Variants in SECISBP2L observed in about 807,000 individuals in gnomAD.
SECISBP2L encodes SECIS binding protein 2 like.
In SECISBP2L, 43 loss-of-function variants were observed where a neutral mutation model predicts 114.7. The ratio of observed to expected loss-of-function variants is 0.38; its 90% CI spans 0.29 to 0.48. The LOEUF (loss-of-function observed/expected upper bound fraction) is 0.48. Among genes scored for constraint, SECISBP2L ranks in the 20% least tolerant of loss-of-function variants. The pLI, the probability that SECISBP2L is intolerant of heterozygous loss-of-function variation, is 0.98. For missense variants in SECISBP2L, 1,136 were observed against 1,301.1 expected, an observed-to-expected ratio of 0.87 and a Z score of 1.95; for synonymous variants, 451 against 439.7, an observed-to-expected ratio of 1.03 and a Z score of -0.32.
chr15:49,034,596 G>T (rs545964977), intron 3 of SECISBP2L, among the ~76,000 whole-genome samples: 1 of 150,858 alleles, frequency 6.6e-6, no homozygotes, highest in Admixed American at 6.6e-5. Flanking sequence ...AAGTTGAAGC[G>T]ATCTAATGAA....
At position 48,999,911 on chromosome 15, in the gene SECISBP2L, T is replaced by A; in HGVS notation, c.2325A>T (p.Gly775=). The change falls in exon 16 of 18, where the codon GGA becomes GGT. Residue 775 remains glycine (G), a synonymous_variant. Transcript: ENST00000559471. ...TCACACAGCGTCCTAGAGCTTTCCT[T>A]CCAAGGGCAAACACAAAAGGAATTT... The part of the protein sequence containing the change: ...EQEIPFVFAL[G]RKALGRCVNK... 1 of 1,614,020 alleles carries A rather than the reference T, an allele frequency of 6.2e-7. No individual in the cohort carries two copies. Among genetic ancestry groups the A allele is most frequent in the Non-Finnish European group, 8.5e-7 (1 of 1,179,958 alleles).
At chr15:48,999,770 C>T (rs1238336746) in intron 16 of SECISBP2L, 63 bp downstream of exon 16, 1 of 1,561,846 alleles carries the variant, frequency 6.4e-7, no homozygotes, top group Non-Finnish European at 8.7e-7. Context: ...ATATGTCAAT[C>T]GAAAAATGTG....
At chr15:49,028,795 A>C in intron 4 of SECISBP2L, 113 bp from the exon 5 acceptor site, 1 of 858,404 alleles carries the variant, frequency 1.2e-6, no homozygotes, top group Non-Finnish European at 1.8e-6. Flanking sequence ...TAAATGAAGA[A>C]ATAGGTGACA....
rs959717861 is a variant in SECISBP2L, at chr15:49,046,415, G to C, written c.-116C>G. 2 of 1,165,338 alleles carry C rather than the reference G, an allele frequency of 1.7e-6. No homozygotes were observed. Among genetic ancestry groups the C allele is most frequent in the Admixed American group, 7.7e-5 (2 of 25,824 alleles). 72.2% of individuals were successfully genotyped at this position (1,165,338 alleles called of 1,614,324 possible). ...GGTTCCGGACCTCCGCCCCTATCTG[G>C]CTGGCCGCGACACCGATTCGGCTAC... On this transcript the variant is annotated 5_prime_UTR_variant, in exon 1 of 18. Transcript: ENST00000559471.
chr15:49,044,536 G>A (rs1903203858), intron 1 of SECISBP2L, among the ~76,000 whole-genome samples: 1 of 152,136 alleles, frequency 6.6e-6, no homozygotes, highest in African/African-American at 2.4e-5. Context: ...TATATTTTCT[G>A]AGTGTATAGG....
chr15:49,021,446 A>G (rs1465190495), intron 7 of SECISBP2L, among the ~76,000 whole-genome samples: 1 of 152,224 alleles, frequency 6.6e-6, no homozygotes, highest in Non-Finnish European at 1.5e-5. Context: ...TACCAAATGC[A>G]GCTAACAGTA....
chr15:49,022,827 T>C (rs896488156), intron 7 of SECISBP2L, among the ~76,000 whole-genome samples: 1 of 152,156 alleles, frequency 6.6e-6, no homozygotes, highest in Admixed American at 6.5e-5. Flanking sequence ...TGCTGGAAGA[T>C]TTTAAAAAGT....
rs751834301 is a variant in SECISBP2L, at chr15:49,001,107, A to T, written c.2028-10T>A. 1 of 1,578,080 alleles carries T rather than the reference A, an allele frequency of 6.3e-7. No homozygotes were observed. The highest frequency in any genetic ancestry group is 1.9e-5 in the Admixed American group (1 of 51,980). On this transcript the variant is annotated splice_polypyrimidine_tract_variant and intron_variant, in intron 14 of 17. Coordinates refer to ENST00000559471, the MANE Select transcript of SECISBP2L (RefSeq NM_001193489.2). ...AACCTGATTACAATACCTGTAAAAA[A>T]AAACCAAAATGGGTAACTCCATCCT...
intron 7 of SECISBP2L, among the ~76,000 whole-genome samples, chr15:49,025,515 T>C (rs901706900): frequency 9.9e-5 from 15 of 152,184 alleles, no homozygotes; most frequent in Non-Finnish European, 4.4e-5. Context: ...TAAGTACTTA[T>C]GTGTAGAATT....
intron 14 of SECISBP2L, among the ~76,000 whole-genome samples, chr15:49,005,649 T>C (rs187632809): frequency 1.3e-5 from 2 of 151,234 alleles, no homozygotes; most frequent in East Asian, 3.9e-4. Flanking sequence ...TGTGTGTCTT[T>C]GCACGTGAGA....
At chr15:49,028,089 T>G (rs1902789292) in intron 6 of SECISBP2L, 55 bp downstream of exon 6, 1 of 1,494,538 alleles carries the variant, frequency 6.7e-7, no homozygotes, top group East Asian at 2.4e-5. Flanking sequence ...AAAGGAAAAC[T>G]CTGATATGGA....
intron 11 of SECISBP2L, chr15:49,013,055 T>G (rs1902468535): frequency 2.3e-6 from 1 of 431,230 alleles, no homozygotes; most frequent in Admixed American, 4.0e-5. Flanking sequence ...AAATAATTAG[T>G]TCTACTCTCC....
At chr15:48,995,171 C>T (rs139782161) in intron 17 of SECISBP2L, among the ~76,000 whole-genome samples, 3 of 152,166 alleles carry the variant, frequency 2.0e-5, no homozygotes, top group African/African-American at 7.2e-5. Flanking sequence ...GTCATCTGTC[C>T]AAACCCACAG....
chr15:48,999,899 T>G lies in SECISBP2L; in HGVS notation c.2337A>C (p.Leu779=). 1 of 1,614,064 alleles carries G rather than the reference T, an allele frequency of 6.2e-7. No individual in the cohort carries two copies. Among genetic ancestry groups the G allele is most frequent in the Non-Finnish European group, 8.5e-7 (1 of 1,179,980 alleles). ...GAACCAGCTTGTTCACACAGCGTCC[T>G]AGAGCTTTCCTTCCAAGGGCAAACA... ...PFVFALGRKA[L]GRCVNKLVPV... The change falls in exon 16 of 18, where the codon CTA becomes CTC. Residue 779 remains leucine (L), a synonymous_variant. Transcript: ENST00000559471.
rs752680970 is a variant in SECISBP2L at position 49,037,664 on chromosome 15, C to G, written c.130G>C (p.Gly44Arg). Residue 44 changes from glycine to arginine, a missense_variant, in exon 2 of 18, where the codon GGT becomes CGT. By Grantham distance (125) the Gly-to-Arg change is moderately radical. Around this residue, in one of 2 missense-constraint regions of SECISBP2L, gnomAD observed 452 missense variants for 452.3 expected, o/e 1.00. Coordinates refer to ENST00000559471, the MANE Select transcript of SECISBP2L (RefSeq NM_001193489.2). ...CTGGGAATTGGAGTTGGTTCCACAC[C>G]AGAAACACTTCCATTATCATTTGGG... ...ALPNDNGSVS[G>R]VEPTPIPSYL... The G allele has an allele frequency of 1.2e-6, 2 of 1,613,804 alleles. No homozygotes were observed. Among genetic ancestry groups the G allele is most frequent in the Admixed American group, 3.3e-5 (2 of 60,006 alleles).
intron 8 of SECISBP2L, 189 bp from the exon 9 acceptor site, chr15:49,017,817 TG>T (rs1183281335): frequency 4.3e-6 from 2 of 462,262 alleles, no homozygotes; most frequent in Non-Finnish European, 3.8e-6. Context: ...TATTCAAGGA[TG>T]GGGGCGTATC....
intron 13 of SECISBP2L, among the ~76,000 whole-genome samples, chr15:49,009,965 T>C (rs897664656): frequency 2.6e-5 from 4 of 151,900 alleles, no homozygotes; most frequent in South Asian, 4.2e-4. Context: ...ACCCCATCTC[T>C]ACTAAAAATA....
In SECISBP2L at chr15:49,035,993, T is replaced by C. The variant is rs571505332; in HGVS notation, c.204-335A>G. On this transcript the variant is annotated intron_variant, in intron 2 of 17. Transcript: ENST00000559471. Reference sequence around the variant, plus strand: ...ACCTAGCTACTGTATCTACCAACAATGGCAGTCCAAAGTTCCCATTCAAGG... The same window carrying C: ...ACCTAGCTACTGTATCTACCAACAACGGCAGTCCAAAGTTCCCATTCAAGG... 2.0e-5 allele frequency among the ~76,000 whole-genome samples: 3 copies of C among 152,358 alleles called. No homozygotes were observed. In the East Asian group the frequency reaches 5.8e-4, roughly 29 times the overall value.
At chr15:49,019,367 T>TA in intron 8 of SECISBP2L, 51 bp downstream of exon 8, 1 of 1,291,552 alleles carries the variant, frequency 7.7e-7, no homozygotes, top group East Asian at 3.0e-5. Context: ...ATTAATTTCT[T>TA]AATGGGAACA....
Sources: allele counts gnomAD v4.1 joint callset (sites outside exome capture counted in the v4.1 genomes callset), GRCh38; gene constraint gnomAD v4.1.1; regional missense constraint gnomAD v4.1.1; transcripts MANE v1.5; gene names NCBI Gene and HGNC (gene_info 2026-07-23, HGNC 2026-07-21).